The following MET variants were observed in gnomAD, a reference collection of about 807,000 sequenced individuals.
MET encodes MET proto-oncogene, receptor tyrosine kinase, also known as hepatocyte growth factor receptor.
MET carries 48 observed loss-of-function variants against 133.1 expected under a neutral mutation model. The ratio of observed to expected loss-of-function variants is 0.36; its 90% CI spans 0.29 to 0.46. The LOEUF is 0.46. Ranked by LOEUF, MET falls within the 20% of genes least tolerant of loss-of-function variation. MET has a pLI of 1.00. For missense variants in MET, 1,442 were observed against 1,695.9 expected (o/e 0.85, Z 2.63); for synonymous variants, 628 against 616.5 (o/e 1.02, Z -0.28).
chr7:116,765,672 C>G (rs1750863753), intron 11 of MET, among the ~76,000 whole-genome samples: 1 of 152,126 alleles, frequency 6.6e-6, no homozygotes, highest in Non-Finnish European at 1.5e-5. Context: ...AAGTAGGTAC[C>G]TCTTTGTGGG....
chr7:116,757,946 C>A, intron 8 of MET, 172 bp downstream of exon 8: 1 of 704,660 alleles, frequency 1.4e-6, no homozygotes, highest in Non-Finnish European at 2.4e-6. Context: ...ACTCCTTTTG[C>A]TGATTTTTCT....
chr7:116,769,145 T>C (rs1166588783), intron 11 of MET, among the ~76,000 whole-genome samples: 1 of 152,196 alleles, frequency 6.6e-6, no homozygotes, highest in Non-Finnish European at 1.5e-5. Context: ...ACAGTGTTAA[T>C]ACATTAACAA....
At chr7:116,757,563 T>C (rs772423139) in intron 7 of MET, 24 bp downstream of exon 7, 67 of 1,612,652 alleles carry the variant, frequency 4.2e-5, no homozygotes, top group Non-Finnish European at 5.6e-5. Context: ...TATCCTATCA[T>C]GTTTGATTTT....
chr7:116,747,996 A>C (rs1191002994), intron 5 of MET, among the ~76,000 whole-genome samples: 3 of 152,262 alleles, frequency 2.0e-5, no homozygotes, highest in East Asian at 3.8e-4. Context: ...CTGTAATCCC[A>C]GCACTTTGGG....
intron 11 of MET, among the ~76,000 whole-genome samples, chr7:116,767,647 C>G (rs1037649219): frequency 1.3e-5 from 2 of 151,966 alleles, no homozygotes; most frequent in African/African-American, 2.4e-5. Flanking sequence ...TCAGAAAGCT[C>G]TCTCTCTTTT....
intron 11 of MET, among the ~76,000 whole-genome samples, chr7:116,768,871 G>A (rs1584952374): frequency 1.3e-5 from 2 of 152,120 alleles, no homozygotes; most frequent in Admixed American, 6.6e-5. Context: ...CAAACAAAAC[G>A]TTGATATTTT....
At chr7:116,759,607 C>G (rs1794318272) in intron 10 of MET, 117 bp downstream of exon 10, 1 of 1,157,626 alleles carries the variant, frequency 8.6e-7, no homozygotes, top group African/African-American at 1.5e-5. Flanking sequence ...AGTTAATTTC[C>G]TTGCAGTGTA....
At chr7:116,707,082 GCACTTCACCCTAGAC>G (rs1182042097) in intron 2 of MET, among the ~76,000 whole-genome samples, 3 of 151,894 alleles carry the variant, frequency 2.0e-5, no homozygotes, top group Admixed American at 6.6e-5. Flanking sequence ...GCAGTTTACT[GCACTTCACCCTAGAC>G]CTAGTCTAAT....
Position 116,740,055 on chromosome 7 carries a change from G to A in MET, c.1498G>A (p.Gly500Ser), listed in dbSNP as rs765311042. 1.9e-6 allele frequency: 3 copies of A among 1,614,110 alleles called. No homozygotes were observed. The highest frequency in any genetic ancestry group is 2.2e-5 in the South Asian group (2 of 91,070). Residue 500 changes from glycine to serine, a missense_variant, in exon 4 of 21, where the codon GGC becomes AGC. By Grantham distance (56) the Gly-to-Ser change is moderately conservative. This residue lies in a region of MET where 762 missense variants were observed against 792.4 expected (regional missense o/e 0.96). Coordinates refer to ENST00000397752, the MANE Select transcript of MET (RefSeq NM_000245.4). ...VIVEHTLNQN[G>S]YTLVITGKKI... ...TGTGGAGCATACATTAAACCAAAAT[G>A]GCTACACACTGGTTATCACTGGGAA...
intron 2 of MET, 126 bp downstream of exon 2, chr7:116,700,410 G>T: frequency 9.3e-7 from 1 of 1,073,874 alleles, no homozygotes; most frequent in African/African-American, 1.6e-5. Context: ...AATAGTTGCA[G>T]ATTTTTTCCA....
At chr7:116,721,875 T>TA (rs1306895692) in intron 2 of MET, among the ~76,000 whole-genome samples, 1 of 152,220 alleles carries the variant, frequency 6.6e-6, no homozygotes, top group Non-Finnish European at 1.5e-5. Context: ...TCTGTTCTCT[T>TA]ACATTTGCTG....
At chr7:116,695,340 C>A (rs1474129454) in intron 1 of MET, among the ~76,000 whole-genome samples, 1 of 152,146 alleles carries the variant, frequency 6.6e-6, no homozygotes, top group Non-Finnish European at 1.5e-5. Context: ...TTCCCTCTAC[C>A]AGCACCAAAA....
rs1029481577 is a variant in MET, at chr7:116,672,477, G to A, written c.-115G>A. Reference sequence around the variant, plus strand: ...GCCGAGTGGAGGGCGCGAGCCAGATGCGGGGCGACAGCTGACTTGCTGAGA... The same window carrying A: ...GCCGAGTGGAGGGCGCGAGCCAGATACGGGGCGACAGCTGACTTGCTGAGA... On this transcript the variant is annotated 5_prime_UTR_variant, in exon 1 of 21. It removes an upstream start codon present in the reference 5' UTR. Coordinates refer to ENST00000397752, the MANE Select transcript of MET (RefSeq NM_000245.4). The A allele has an allele frequency of 2.5e-6, 1 of 398,134 alleles. No homozygotes were observed. The highest frequency in any genetic ancestry group is 4.4e-6 in the Non-Finnish European group (1 of 225,860). The allele number at this position is 398,134 out of a possible 1,614,324, so 24.7% of individuals were successfully genotyped here.
intron 12 of MET, chr7:116,770,013 C>T: frequency 1.6e-6 from 1 of 616,434 alleles, no homozygotes; most frequent in South Asian, 1.9e-5. Flanking sequence ...TCTACCCACA[C>T]TGCTTCTCCA....
chr7:116,685,386 A>T (rs184064938), intron 1 of MET, among the ~76,000 whole-genome samples: 164 of 152,278 alleles, frequency 1.1e-3, no homozygotes, highest in Non-Finnish European at 1.8e-3. Flanking sequence ...TGCCTAAAAA[A>T]TGTATGTCAG....
chr7:116,741,612 T>A (rs1348973580), intron 5 of MET, among the ~76,000 whole-genome samples: 1 of 152,114 alleles, frequency 6.6e-6, no homozygotes, highest in Non-Finnish European at 1.5e-5. Context: ...AGACTGAAGA[T>A]TATTTCCCGG....
At chr7:116,710,618 T>C (rs780296617) in intron 2 of MET, among the ~76,000 whole-genome samples, 7 of 151,932 alleles carry the variant, frequency 4.6e-5, no homozygotes, top group Non-Finnish European at 8.8e-5. Flanking sequence ...AATTTTGGAG[T>C]TCACTATTTG....
At chr7:116,719,734 T>C (rs1792401293) in intron 2 of MET, among the ~76,000 whole-genome samples, 1 of 152,116 alleles carries the variant, frequency 6.6e-6, no homozygotes, top group Non-Finnish European at 1.5e-5. Context: ...CAGCACCATT[T>C]ATTAAATAGG....
intron 19 of MET, among the ~76,000 whole-genome samples, chr7:116,783,676 C>G (rs2117068867): frequency 6.6e-6 from 1 of 152,254 alleles, no homozygotes; most frequent in Non-Finnish European, 1.5e-5. Context: ...TTGAGTGGGG[C>G]AACATACCAG....
Sources: gnomAD v4.1 joint callset for allele counts (sites outside exome capture counted in the v4.1 genomes callset) on GRCh38, gnomAD v4.1.1 for gene constraint, gnomAD v4.1.1 regional missense constraint, MANE v1.5 for transcripts, NCBI Gene and HGNC (gene_info 2026-07-23, HGNC 2026-07-21) for gene names.